ADCK1: variants seen among roughly 807,000 people sequenced by gnomAD.
ADCK1 encodes the protein aarF domain-containing protein kinase 1.
Under a neutral mutation model 52.3 loss-of-function variants are expected in ADCK1, and 41 were observed. The ratio of observed to expected loss-of-function variants is 0.78; its 90% confidence interval spans 0.61 to 1.02. The LOEUF is 1.02. Among genes scored for constraint, ADCK1 ranks in the 50% least tolerant of loss-of-function variants. The probability of loss-of-function intolerance (pLI) is 0.00; values close to 1 mark genes in which losing one functional copy is unlikely to be tolerated. For synonymous variants in ADCK1, 250 were observed against 274.6 expected (o/e 0.91, Z 0.89); for missense variants, 658 against 679.5 (o/e 0.97, Z 0.35).
At chr14:77,815,815 CT>C (rs35299824) in intron 1 of ADCK1, among the ~76,000 whole-genome samples, 8,275 of 121,680 alleles carry the variant, frequency 0.068, 193 homozygotes, top group Non-Finnish European at 0.092. Flanking sequence ...CCGCACCTGG[CT>C]TTTTTTTTTT....
At chr14:77,833,173 C>T (rs540384690) in intron 3 of ADCK1, among the ~76,000 whole-genome samples, 26 of 152,316 alleles carry the variant, frequency 1.7e-4, no homozygotes, top group South Asian at 1.5e-3. Context: ...AGCTAACTTC[C>T]AGGCAAGGTG....
At chr14:77,804,851 TC>T (rs1259948160) in intron 1 of ADCK1, among the ~76,000 whole-genome samples, 1 of 152,116 alleles carries the variant, frequency 6.6e-6, no homozygotes, top group Non-Finnish European at 1.5e-5. Context: ...ACTTTATACA[TC>T]CTCTGTGTTT....
chr14:77,836,464 A>T (rs1386620620), intron 3 of ADCK1, among the ~76,000 whole-genome samples: 1 of 152,226 alleles, frequency 6.6e-6, no homozygotes, highest in East Asian at 1.9e-4. Context: ...GAAGAAACTG[A>T]TGAACAGACG....
chr14:77,862,665 G>T (rs1341064258), intron 4 of ADCK1, among the ~76,000 whole-genome samples: 1 of 152,218 alleles, frequency 6.6e-6, no homozygotes, highest in Admixed American at 6.5e-5. Flanking sequence ...GTCTCTGATG[G>T]CCAGTGATTC....
rs572703353 is a variant in ADCK1 at position 77,804,310 on chromosome 14, G to A, written c.-12+4140G>A. On this transcript the variant is annotated intron_variant, in intron 1 of 10. Coordinates refer to ENST00000238561, the MANE Select transcript of ADCK1 (RefSeq NM_020421.4). ...CTGACAGGGTCTTTTACAATACCCC[G>A]AGGGAAGCAACTCATTTGCATGTTA... Among the ~76,000 whole-genome samples the A allele has an allele frequency of 3.9e-5, 6 of 152,264 alleles. 1 individual carries two copies. The East Asian group carries it at 7.7e-4, about 20-fold the overall frequency.
chr14:77,874,555 G>T (rs989917991), intron 4 of ADCK1, among the ~76,000 whole-genome samples: 3 of 152,170 alleles, frequency 2.0e-5, no homozygotes, highest in Admixed American at 1.3e-4. Context: ...CCAGGCTGGG[G>T]TGGGGCAGGT....
intron 3 of ADCK1, among the ~76,000 whole-genome samples, chr14:77,835,385 G>T (rs997022494): frequency 6.6e-6 from 1 of 152,172 alleles, no homozygotes; most frequent in African/African-American, 2.4e-5. Context: ...CCTTCTTTCT[G>T]TATAACCAGA....
At chr14:77,882,845 T>A (rs752340781) in intron 4 of ADCK1, among the ~76,000 whole-genome samples, 1 of 152,086 alleles carries the variant, frequency 6.6e-6, no homozygotes, top group Non-Finnish European at 1.5e-5. Context: ...TTGACTTGGG[T>A]ATGATGTCAC....
At chr14:77,833,418 T>C (rs906767580) in intron 3 of ADCK1, among the ~76,000 whole-genome samples, 7 of 152,146 alleles carry the variant, frequency 4.6e-5, no homozygotes, top group African/African-American at 1.4e-4. Flanking sequence ...AGGAGAGAAA[T>C]TGAATCCTTG....
intron 8 of ADCK1, among the ~76,000 whole-genome samples, chr14:77,925,318 CT>C (rs1279894825): frequency 1.1e-4 from 17 of 152,240 alleles, no homozygotes; most frequent in African/African-American, 4.1e-4. Flanking sequence ...GTGGAGGAGA[CT>C]GCCAGGCTCT....
At chr14:77,882,124 T>C (rs1278360341) in intron 4 of ADCK1, among the ~76,000 whole-genome samples, 2 of 152,098 alleles carry the variant, frequency 1.3e-5, no homozygotes, top group Non-Finnish European at 1.5e-5. Flanking sequence ...GCTGGAGTTA[T>C]TGTGTCTGCC....
chr14:77,839,056 C>T (rs1425367849), intron 3 of ADCK1, among the ~76,000 whole-genome samples: 1 of 152,182 alleles, frequency 6.6e-6, no homozygotes, highest in African/African-American at 2.4e-5. Flanking sequence ...GTACACTTTT[C>T]AGGAAATCAC....
intron 1 of ADCK1, among the ~76,000 whole-genome samples, chr14:77,801,154 C>CT (rs1380133585): frequency 6.6e-6 from 1 of 152,190 alleles, no homozygotes; most frequent in Non-Finnish European, 1.5e-5. Context: ...ACCTGGAGAG[C>CT]TAGTAACAAC....
intron 3 of ADCK1, among the ~76,000 whole-genome samples, chr14:77,857,319 A>G (rs2082439879): frequency 6.6e-6 from 1 of 152,198 alleles, no homozygotes; most frequent in South Asian, 2.1e-4. Flanking sequence ...TCTCAAAAAA[A>G]ATTGTGCAAA....
intron 3 of ADCK1, among the ~76,000 whole-genome samples, chr14:77,856,408 G>T (rs1302915245): frequency 6.6e-6 from 1 of 152,070 alleles, no homozygotes; most frequent in African/African-American, 2.4e-5. Context: ...TGTGTGTGGG[G>T]TGTGTATGTA....
chr14:77,890,563 G>T (rs760575337), intron 5 of ADCK1, among the ~76,000 whole-genome samples: 24 of 152,154 alleles, frequency 1.6e-4, no homozygotes, highest in Non-Finnish European at 3.1e-4. Context: ...GAGTGGCAAG[G>T]TTCTAGAAGT....
intron 4 of ADCK1, among the ~76,000 whole-genome samples, chr14:77,869,274 C>T (rs987448368): frequency 1.3e-5 from 2 of 152,174 alleles, no homozygotes; most frequent in Non-Finnish European, 2.9e-5. Context: ...TGGGTTCCTT[C>T]TGAGGCCGCG....
At chr14:77,899,725 GA>G (rs1387589386) in intron 6 of ADCK1, among the ~76,000 whole-genome samples, 3 of 152,104 alleles carry the variant, frequency 2.0e-5, no homozygotes, top group Non-Finnish European at 4.4e-5. Flanking sequence ...TCACATAAGA[GA>G]AACCACAGAG....
chr14:77,854,852 T>C (rs1594944914), intron 3 of ADCK1, among the ~76,000 whole-genome samples: 1 of 152,108 alleles, frequency 6.6e-6, no homozygotes, highest in Non-Finnish European at 1.5e-5. Context: ...AGCCACCCAC[T>C]CACAGGAGTG....
Sources: gnomAD v4.1 joint callset for allele counts (sites outside exome capture counted in the v4.1 genomes callset) on GRCh38, gnomAD v4.1.1 for gene constraint, MANE v1.5 for transcripts, NCBI Gene and HGNC (gene_info 2026-07-23, HGNC 2026-07-21) for gene names.